Variants in ACBD5 observed in about 807,000 individuals in gnomAD.
ACBD5 encodes acyl-CoA binding domain containing 5, also known as acyl-CoA-binding domain-containing protein 5.
ACBD5 carries 40 observed loss-of-function variants against 71.8 expected under a neutral mutation model. The ratio of observed to expected loss-of-function variants is 0.56; its 90% CI spans 0.43 to 0.72. The LOEUF (loss-of-function observed/expected upper bound fraction) is 0.72. Ranked by LOEUF, ACBD5 falls within the 30% of genes least tolerant of loss-of-function variation. ACBD5 has a pLI of 0.00. For synonymous variants in ACBD5, 229 were observed against 218.6 expected, an observed-to-expected ratio of 1.05 and a Z score of -0.42; for missense variants, 559 against 644.5, an observed-to-expected ratio of 0.87 and a Z score of 1.44.
At chr10:27,193,412 CGAGACTCTGTCTCAAAAGA>C (rs1564524581), downstream of ACBD5, 2 of 150,676 alleles carry the variant, frequency 1.3e-5, no homozygotes, top group African/African-American at 4.9e-5. Flanking sequence ...GGCAACAGAG[CGAGACTCTGTCTCAAAAGA>C]GAGAAAAAAA....
chr10:27,227,314 G>T (rs879096838), intron 4 of ACBD5, among the ~76,000 whole-genome samples: 6 of 152,018 alleles, frequency 3.9e-5, no homozygotes, highest in Non-Finnish European at 8.8e-5. Context: ...TCTACATGAT[G>T]AAAATATACT....
Position 27,240,407 on chromosome 10 carries a change from G to C in ACBD5, c.93C>G (p.His31Gln). The change falls in exon 2 of 13, where the codon CAC becomes CAG. Residue 31 changes from histidine to glutamine, a missense_variant. His to Gln is a conservative substitution (Grantham distance 24). Transcript: ENST00000396271. The surrounding 1 kb of genome is among the most constrained non-coding windows in gnomAD (Gnocchi z 4.1). The part of the protein sequence containing the change: ...PADRPWDRGQ[H>Q]WQLEMADTRS... ...TCGTGTCCGCCATCTCCAGCTGCCA[G>C]TGTTGGCCCCGGTCCCAAGGTCTGT... is the stretch of plus-strand genomic sequence containing the variant. The C allele has an allele frequency of 6.2e-7, 1 of 1,614,126 alleles. No individual in the cohort carries two copies.
chr10:27,220,687 A>G (rs1420358461), intron 5 of ACBD5, among the ~76,000 whole-genome samples: 1 of 152,212 alleles, frequency 6.6e-6, no homozygotes, highest in Non-Finnish European at 1.5e-5. Flanking sequence ...AAAAATTGAC[A>G]TGCAGATTCT....
Position 27,240,540 on chromosome 10 carries a change from A to T in ACBD5, c.16-56T>A, listed in dbSNP as rs753592893. The T allele has an allele frequency of 1.9e-4, 297 of 1,553,006 alleles. No individual in the cohort carries two copies. Among genetic ancestry groups the T allele is most frequent in the Non-Finnish European group, 2.5e-4 (286 of 1,147,028 alleles). ...ATGCCCCAAAAGGAGGAGGCCCGGG[A>T]GCGAAGCGGGTCAGTTCCCCTTTGC... is the stretch of plus-strand genomic sequence containing the variant. On this transcript the variant is annotated intron_variant, in intron 1 of 12. Transcript: ENST00000396271. This position sits in a 1 kb window ranked among gnomAD's most constrained non-coding sequence, Gnocchi z 4.1.
intron 9 of ACBD5, among the ~76,000 whole-genome samples, chr10:27,209,850 C>T (rs1286578389): frequency 6.6e-6 from 1 of 152,202 alleles, no homozygotes; most frequent in Non-Finnish European, 1.5e-5. Flanking sequence ...TAAATGGTTA[C>T]ATAAATTCCC....
intron 4 of ACBD5, among the ~76,000 whole-genome samples, chr10:27,227,127 C>T (rs982222179): frequency 4.8e-5 from 3 of 63,142 alleles, no homozygotes; most frequent in Non-Finnish European, 1.0e-4. Flanking sequence ...AGATTGGCCA[C>T]CCCTGGTCTA....
chr10:27,240,891 C>G, upstream of ACBD5: 2 of 719,832 alleles, frequency 2.8e-6, no homozygotes, highest in Non-Finnish European at 4.5e-6. The surrounding 1 kb of genome is among the most constrained non-coding windows in gnomAD (Gnocchi z 4.1). Flanking sequence ...CAAACCCCAC[C>G]CACCCGACCC....
upstream of ACBD5, chr10:27,242,066 T>C (rs1283927672): frequency 2.2e-6 from 1 of 453,730 alleles, no homozygotes; most frequent in South Asian, 1.6e-5. Context: ...TACCTTGGTA[T>C]TGCCGGACAA....
At chr10:27,190,464 C>T (rs1026808584), downstream of ACBD5, among the ~76,000 whole-genome samples, 1 of 152,126 alleles carries the variant, frequency 6.6e-6, no homozygotes, top group Non-Finnish European at 1.5e-5. Context: ...ACCCTAAGTA[C>T]CCTACTGCCT....
At chr10:27,238,108 G>A (rs549720522) in intron 2 of ACBD5, among the ~76,000 whole-genome samples, 1 of 152,066 alleles carries the variant, frequency 6.6e-6, no homozygotes, top group East Asian at 1.9e-4. Context: ...ACCACGCCTG[G>A]CTAATTTTTT....
intron 3 of ACBD5, among the ~76,000 whole-genome samples, chr10:27,232,948 C>G (rs1445439660): frequency 6.6e-6 from 1 of 152,020 alleles, no homozygotes; most frequent in Non-Finnish European, 1.5e-5. Flanking sequence ...ATATTTAATA[C>G]TACTAAAATT....
chr10:27,225,844 T>C (rs1006600791), intron 4 of ACBD5, among the ~76,000 whole-genome samples: 4 of 151,916 alleles, frequency 2.6e-5, no homozygotes, highest in African/African-American at 7.3e-5. Flanking sequence ...AGTAAGCCAA[T>C]TGCATACCAC....
At chr10:27,214,865 T>G (rs1395023161) in intron 8 of ACBD5, among the ~76,000 whole-genome samples, 1 of 152,038 alleles carries the variant, frequency 6.6e-6, no homozygotes, top group African/African-American at 2.4e-5. Context: ...AGGCAACATA[T>G]CAAGAACCCA....
chr10:27,238,374 A>G (rs2065036444), intron 2 of ACBD5, among the ~76,000 whole-genome samples: 1 of 152,242 alleles, frequency 6.6e-6, no homozygotes, highest in South Asian at 2.1e-4. Flanking sequence ...TAATGTCAAC[A>G]GGCATAGTGG....
intron 5 of ACBD5, chr10:27,220,500 G>A (rs2062196335): frequency 6.6e-6 from 1 of 152,162 alleles, no homozygotes. Flanking sequence ...AGTATGTCTA[G>A]GGTGATCTAA....
intron 2 of ACBD5, among the ~76,000 whole-genome samples, chr10:27,238,196 C>T (rs642428): frequency 0.18 from 26,887 of 151,528 alleles, 2,881 homozygotes; most frequent in East Asian, 0.32. Flanking sequence ...CCGCCAGCCC[C>T]GTGATCAGCC....
chr10:27,189,921 G>T (rs2059009701), intron 13 of ACBD5, among the ~76,000 whole-genome samples: 1 of 152,036 alleles, frequency 6.6e-6, no homozygotes, highest in Non-Finnish European at 1.5e-5. Context: ...AATAATAGAT[G>T]TGACTTGTTT....
intron 2 of ACBD5, among the ~76,000 whole-genome samples, chr10:27,236,589 C>T (rs2064732983): frequency 2.6e-5 from 4 of 151,870 alleles, no homozygotes; most frequent in African/African-American, 7.3e-5. Flanking sequence ...CATAAGCTAG[C>T]AGTTTATAAG....
intron 7 of ACBD5, among the ~76,000 whole-genome samples, chr10:27,216,628 C>T (rs17748695): frequency 0.027 from 4,152 of 152,108 alleles, 76 homozygotes; most frequent in Middle Eastern, 0.048. Context: ...TACTGAGAGA[C>T]GAATTTGATT....
Sources: allele counts gnomAD v4.1 joint callset (sites outside exome capture counted in the v4.1 genomes callset), GRCh38; gene constraint gnomAD v4.1.1; non-coding constraint Gnocchi (gnomAD v3.1); transcripts MANE v1.5; gene names NCBI Gene and HGNC (gene_info 2026-07-23, HGNC 2026-07-21).